The following ITGBL1 variants were observed in gnomAD, a reference collection of about 807,000 sequenced individuals.
The protein encoded by ITGBL1 is integrin beta-like protein 1.
Under a neutral mutation model 68.5 loss-of-function variants are expected in ITGBL1, and 51 were observed. That is an observed-to-expected ratio of 0.74 (90% CI 0.59 to 0.94). The LOEUF (loss-of-function observed/expected upper bound fraction) is 0.94, where lower values mean the gene tolerates loss of function less well. ITGBL1 is among the 40% of genes least tolerant of loss of function. ITGBL1 has a pLI of 0.00. For synonymous variants in ITGBL1, 209 were observed against 227.3 expected, an observed-to-expected ratio of 0.92 and a Z score of 0.72; for missense variants, 649 against 647.4, an observed-to-expected ratio of 1.00 and a Z score of -0.03.
At chr13:101,569,140 C>G (rs1402246881) in intron 3 of ITGBL1, among the ~76,000 whole-genome samples, 2 of 151,810 alleles carry the variant, frequency 1.3e-5, no homozygotes, top group East Asian at 1.9e-4. Flanking sequence ...GCGCGCATGC[C>G]CCATAGCGTC....
intron 7 of ITGBL1, among the ~76,000 whole-genome samples, chr13:101,654,073 G>T (rs1324886098): frequency 6.6e-6 from 1 of 151,730 alleles, no homozygotes; most frequent in East Asian, 1.9e-4. Context: ...AACAAAATTT[G>T]GGGGGAATTC....
rs138041568 is a variant in ITGBL1, at chr13:101,639,358, G to C, written c.1015+41059G>C. 2.1e-3 allele frequency among the ~76,000 whole-genome samples: 320 copies of C among 152,188 alleles called. 2 individuals are homozygous for C. Among genetic ancestry groups the C allele is most frequent in the Non-Finnish European group, 3.6e-3 (243 of 67,994 alleles). On this transcript the variant is annotated intron_variant, in intron 7 of 10. Coordinates refer to ENST00000376180, the MANE Select transcript of ITGBL1 (RefSeq NM_004791.3). ...TGCTTGAATAATCAATTTTTGGAAAGACTGATAATGTTGCTCAAGAATTGA... is the reference window on the plus strand; with the variant it reads ...TGCTTGAATAATCAATTTTTGGAAACACTGATAATGTTGCTCAAGAATTGA...
intron 8 of ITGBL1, among the ~76,000 whole-genome samples, chr13:101,697,296 C>A (rs930231335): frequency 2.6e-5 from 4 of 151,974 alleles, no homozygotes; most frequent in Admixed American, 1.3e-4. Flanking sequence ...ATTGATCATC[C>A]TAGAATAATA....
intron 7 of ITGBL1, among the ~76,000 whole-genome samples, chr13:101,675,840 T>A (rs1254078453): frequency 6.6e-6 from 1 of 152,160 alleles, no homozygotes; most frequent in East Asian, 1.9e-4. Context: ...TCTCTTATGC[T>A]CCTTTCCCCA....
At chr13:101,497,920 G>T (rs2048880950) in intron 2 of ITGBL1, among the ~76,000 whole-genome samples, 1 of 151,154 alleles carries the variant, frequency 6.6e-6, no homozygotes. Flanking sequence ...ATTCAAAGAT[G>T]AATGTTCCTT....
intron 9 of ITGBL1, chr13:101,711,675 A>G (rs2034473032): frequency 6.6e-6 from 1 of 152,100 alleles, no homozygotes; most frequent in Non-Finnish European, 1.5e-5. Flanking sequence ...TTCCATTCTC[A>G]TCTTTGAAGG....
intron 2 of ITGBL1, among the ~76,000 whole-genome samples, chr13:101,560,659 G>T (rs1356360634): frequency 6.6e-6 from 1 of 152,156 alleles, no homozygotes; most frequent in Non-Finnish European, 1.5e-5. Context: ...TACCTCAAAA[G>T]TTATGCATTA....
At chr13:101,693,654 C>CTATCTATCTATG (rs2033934235) in intron 8 of ITGBL1, among the ~76,000 whole-genome samples, 1 of 151,962 alleles carries the variant, frequency 6.6e-6, no homozygotes, top group South Asian at 2.1e-4. Flanking sequence ...ATCTATCTAT[C>CTATCTATCTATG]TATCTATCTA....
At chr13:101,714,835 A>G (rs1011337333) in intron 10 of ITGBL1, 4 of 381,288 alleles carry the variant, frequency 1.0e-5, no homozygotes, top group African/African-American at 8.2e-5. Flanking sequence ...GCAGTTGTAT[A>G]TTGAACACAG....
intron 7 of ITGBL1, among the ~76,000 whole-genome samples, chr13:101,649,242 G>A (rs2032666430): frequency 1.3e-5 from 2 of 152,252 alleles, no homozygotes; most frequent in Non-Finnish European, 2.9e-5. Flanking sequence ...GGTCAACTCT[G>A]AAATGAGACA....
In ITGBL1 at chr13:101,714,521, T is replaced by C; in HGVS notation, c.1363T>C (p.Cys455Arg). 6.2e-7 allele frequency: 1 copy of C among 1,609,316 alleles called. No individual in the cohort carries two copies. Among genetic ancestry groups the C allele is most frequent in the Middle Eastern group, 1.7e-4 (1 of 6,050 alleles). The change falls in exon 10 of 11, where the codon TGC becomes CGC. Residue 455 changes from cysteine (C) to arginine (R), a missense_variant. Physicochemically the swap from Cys to Arg is radical, Grantham distance 180 (BLOSUM62 -3). Transcript: ENST00000376180. The part of the protein sequence containing the change: ...GEFCDCDDRD[C>R]DKHDGLICTG... Reference sequence around the variant, plus strand: ...GTTCTGTGACTGTGATGACAGAGACTGCGACAAACATGATGGTCTCATTTG... The same window carrying C: ...GTTCTGTGACTGTGATGACAGAGACCGCGACAAACATGATGGTCTCATTTG...
chr13:101,671,776 T>G (rs1353837854), intron 7 of ITGBL1, among the ~76,000 whole-genome samples: 1 of 152,184 alleles, frequency 6.6e-6, no homozygotes, highest in Non-Finnish European at 1.5e-5. Flanking sequence ...AAAAATTTAC[T>G]TTTTATCCCT....
chr13:101,663,601 T>C (rs1219089435), intron 7 of ITGBL1, among the ~76,000 whole-genome samples: 1 of 152,188 alleles, frequency 6.6e-6, no homozygotes, highest in African/African-American at 2.4e-5. Context: ...TTATATTTTA[T>C]AATCCAAATT....
At chr13:101,586,327 T>C (rs1490399644) in intron 6 of ITGBL1, among the ~76,000 whole-genome samples, 1 of 152,090 alleles carries the variant, frequency 6.6e-6, no homozygotes, top group Admixed American at 6.5e-5. Context: ...AAAACATCAA[T>C]CTATTATTGT....
chr13:101,637,905 A>C (rs1311767913), intron 7 of ITGBL1, among the ~76,000 whole-genome samples: 1 of 152,216 alleles, frequency 6.6e-6, no homozygotes, highest in African/African-American at 2.4e-5. Context: ...AATGAAAAAC[A>C]AATCTTCATT....
chr13:101,549,886 T>C (rs1299025407), intron 2 of ITGBL1, among the ~76,000 whole-genome samples: 1 of 152,156 alleles, frequency 6.6e-6, no homozygotes, highest in Non-Finnish European at 1.5e-5. Flanking sequence ...TTGATATACA[T>C]AGCTTTCATC....
At chr13:101,501,177 A>T (rs7330842) in intron 2 of ITGBL1, among the ~76,000 whole-genome samples, 1,800 of 152,272 alleles carry the variant, frequency 0.012, 34 homozygotes, top group African/African-American at 0.041. Flanking sequence ...CTTAAATCTG[A>T]TGACCTTTCT....
rs1185707265 is a variant in ITGBL1, at chr13:101,716,331, C to A, written c.*677C>A. On this transcript the variant is annotated 3_prime_UTR_variant, in exon 11 of 11. Transcript: ENST00000376180. Reference sequence around the variant, plus strand: ...AGTCATCTGACATTAAATCATTTAGCCACTAAGTTATTTGTCTACTCTCAC... The same window carrying A: ...AGTCATCTGACATTAAATCATTTAGACACTAAGTTATTTGTCTACTCTCAC... 1 of 152,068 alleles carries A rather than the reference C, an allele frequency of 6.6e-6. No individual in the cohort carries two copies. The highest frequency in any genetic ancestry group is 1.5e-5 in the Non-Finnish European group (1 of 68,002). 9.4% of individuals were successfully genotyped at this position (152,068 alleles called of 1,614,324 possible).
intron 2 of ITGBL1, among the ~76,000 whole-genome samples, chr13:101,501,495 G>A (rs1320161651): frequency 1.3e-5 from 2 of 152,136 alleles, no homozygotes; most frequent in Non-Finnish European, 2.9e-5. Context: ...GAATGCAGCT[G>A]ACACTGACAT....
Sources: allele counts gnomAD v4.1 joint callset (sites outside exome capture counted in the v4.1 genomes callset), GRCh38; gene constraint gnomAD v4.1.1; transcripts MANE v1.5; gene names NCBI Gene and HGNC (gene_info 2026-07-23, HGNC 2026-07-21).